NPAS3: variants seen among roughly 807,000 people sequenced by gnomAD.
NPAS3 encodes the protein neuronal PAS domain protein 3.
In NPAS3, 14 loss-of-function variants were observed where a neutral mutation model predicts 73.1. The observed-to-expected ratio is 0.19, with a 90% CI of 0.13 to 0.30. The LOEUF (loss-of-function observed/expected upper bound fraction) is 0.30, where lower values mean the gene tolerates loss of function less well. Ranked by LOEUF, NPAS3 falls within the 10% of genes least tolerant of loss-of-function variation. The probability of loss-of-function intolerance (pLI) is 1.00; values close to 1 mark genes in which losing one functional copy is unlikely to be tolerated. For synonymous variants in NPAS3, 620 were observed against 541.5 expected (o/e 1.14, Z -2.01); for missense variants, 1,096 against 1,250.0 (o/e 0.88, Z 1.86).
At chr14:33,714,502 C>A (rs138217083) in intron 6 of NPAS3, among the ~76,000 whole-genome samples, 4 of 152,042 alleles carry the variant, frequency 2.6e-5, no homozygotes, top group Admixed American at 2.0e-4. Context: ...CCCTGAAGAT[C>A]GTAGCTGGGC....
intron 1 of NPAS3, among the ~76,000 whole-genome samples, chr14:33,007,144 G>A (rs1443696363): frequency 6.6e-6 from 1 of 152,112 alleles, no homozygotes; most frequent in Non-Finnish European, 1.5e-5. Context: ...AAATAAATGA[G>A]GTTCCTATTA....
chr14:33,166,163 G>C (rs573087731), intron 2 of NPAS3, among the ~76,000 whole-genome samples: 3 of 151,988 alleles, frequency 2.0e-5, no homozygotes, highest in Non-Finnish European at 4.4e-5. Flanking sequence ...CTCACCCCTC[G>C]GTTCAATTTG....
intron 2 of NPAS3, among the ~76,000 whole-genome samples, chr14:33,132,569 A>G (rs1333583692): frequency 6.6e-6 from 1 of 152,088 alleles, no homozygotes; most frequent in Non-Finnish European, 1.5e-5. Context: ...GTGGGACTAT[A>G]AGCACGTAGA....
At chr14:33,229,275 G>T (rs2047752433) in intron 3 of NPAS3, among the ~76,000 whole-genome samples, 1 of 152,154 alleles carries the variant, frequency 6.6e-6, no homozygotes, top group African/African-American at 2.4e-5. Context: ...TGATAGCTTT[G>T]CTTTTCATAG....
At chr14:33,204,896 G>A (rs1185881247) in intron 2 of NPAS3, among the ~76,000 whole-genome samples, 1 of 151,992 alleles carries the variant, frequency 6.6e-6, no homozygotes, top group Non-Finnish European at 1.5e-5. Flanking sequence ...GGGAAAGGGT[G>A]GCATTTGATA....
intron 9 of NPAS3, among the ~76,000 whole-genome samples, chr14:33,779,406 T>C (rs938989536): frequency 6.6e-6 from 1 of 152,148 alleles, no homozygotes; most frequent in Non-Finnish European, 1.5e-5. Context: ...TATATGACCA[T>C]TCAGGAGATT....
At chr14:33,009,567 G>A (rs925269761) in intron 1 of NPAS3, among the ~76,000 whole-genome samples, 3 of 152,174 alleles carry the variant, frequency 2.0e-5, no homozygotes, top group Admixed American at 2.0e-4. Flanking sequence ...TGGTGTAATG[G>A]AAGCATGAGC....
chr14:33,507,164 C>G (rs2139973337), intron 4 of NPAS3, among the ~76,000 whole-genome samples: 1 of 152,006 alleles, frequency 6.6e-6, no homozygotes, highest in African/African-American at 2.4e-5. Context: ...ACCCAAAGAT[C>G]TAAGGATATT....
chr14:33,659,214 A>G (rs1218830036), intron 5 of NPAS3, among the ~76,000 whole-genome samples: 4 of 152,230 alleles, frequency 2.6e-5, no homozygotes, highest in African/African-American at 7.2e-5. Context: ...TACACATTGT[A>G]TGCATTACCT....
chr14:33,730,581 G>A (rs1396404643), intron 6 of NPAS3, among the ~76,000 whole-genome samples: 1 of 152,176 alleles, frequency 6.6e-6, no homozygotes, highest in Non-Finnish European at 1.5e-5. Context: ...CCACCTGAAA[G>A]TGACATGTGG....
intron 7 of NPAS3, among the ~76,000 whole-genome samples, chr14:33,748,931 A>G (rs1449540693): frequency 6.6e-6 from 1 of 152,192 alleles, no homozygotes; most frequent in Non-Finnish European, 1.5e-5. Context: ...GTCACCAAGA[A>G]CTGTCATATT....
At chr14:33,786,465 C>T (rs1197159673) in intron 9 of NPAS3, among the ~76,000 whole-genome samples, 1 of 152,202 alleles carries the variant, frequency 6.6e-6, no homozygotes, top group African/African-American at 2.4e-5. Flanking sequence ...CAAAATAAAT[C>T]TGAGTATAAG....
intron 1 of NPAS3, among the ~76,000 whole-genome samples, chr14:33,010,156 C>T (rs1467525140): frequency 6.6e-6 from 1 of 152,142 alleles, no homozygotes; most frequent in Non-Finnish European, 1.5e-5. Context: ...TTAATTGCCT[C>T]AACATTTATT....
intron 5 of NPAS3, among the ~76,000 whole-genome samples, chr14:33,572,361 A>G (rs2056250159): frequency 6.6e-6 from 1 of 152,226 alleles, no homozygotes; most frequent in Admixed American, 6.5e-5. Flanking sequence ...AAGCCCAAGC[A>G]GGTGACTTGA....
chr14:33,051,296 A>AAAAAAAAAAAAAAAAAAGAG (rs771840433), intron 1 of NPAS3, among the ~76,000 whole-genome samples: 2 of 142,526 alleles, frequency 1.4e-5, no homozygotes, highest in African/African-American at 5.5e-5. Flanking sequence ...AAAAAAAAAA[A>AAAAAAAAAAAAAAAAAAGAG]AGAGAGACTA....
Position 33,196,309 on chromosome 14 carries a change from T to A in NPAS3, c.141-18873T>A, listed in dbSNP as rs151202488. Among the ~76,000 whole-genome samples, 136 of 152,326 alleles carry A rather than the reference T, an allele frequency of 8.9e-4. No individual in the cohort carries two copies. In the East Asian group the frequency reaches 0.024, roughly 27 times the overall value. On this transcript the variant is annotated intron_variant, in intron 2 of 11. Coordinates refer to ENST00000356141, the Ensembl canonical transcript of NPAS3. Reference sequence around the variant, plus strand: ...CACTTTTATACATACATTAGTTGCATCCAGGACCTCCCACTGATAGCATGA... The same window carrying A: ...CACTTTTATACATACATTAGTTGCAACCAGGACCTCCCACTGATAGCATGA...
At chr14:33,596,870 T>C (rs1426913940) in intron 5 of NPAS3, among the ~76,000 whole-genome samples, 2 of 152,126 alleles carry the variant, frequency 1.3e-5, no homozygotes, top group Non-Finnish European at 2.9e-5. Flanking sequence ...CTCCAGAAAA[T>C]GAAATGAAGA....
At chr14:33,536,139 T>C (rs1217522688) in intron 4 of NPAS3, among the ~76,000 whole-genome samples, 1 of 152,112 alleles carries the variant, frequency 6.6e-6, no homozygotes, top group Non-Finnish European at 1.5e-5. Context: ...CACCTCCAGC[T>C]CCCTACCGTT....
chr14:33,590,636 G>A (rs1473665919), intron 5 of NPAS3, among the ~76,000 whole-genome samples: 1 of 152,122 alleles, frequency 6.6e-6, no homozygotes, highest in Non-Finnish European at 1.5e-5. Context: ...TTATGTACAT[G>A]TAATCCCAGT....
Sources: allele counts gnomAD v4.1 joint callset (sites outside exome capture counted in the v4.1 genomes callset), GRCh38; gene constraint gnomAD v4.1.1; transcripts MANE v1.5; gene names NCBI Gene and HGNC (gene_info 2026-07-23, HGNC 2026-07-21).